Variants in PLCB1 observed in about 807,000 individuals in gnomAD.
PLCB1 encodes the protein 1-phosphatidylinositol 4,5-bisphosphate phosphodiesterase beta-1.
PLCB1 carries 46 observed loss-of-function variants against 161.8 expected under a neutral mutation model. The observed-to-expected ratio is 0.28, with a 90% CI of 0.22 to 0.36. The LOEUF (loss-of-function observed/expected upper bound fraction) is 0.36, where lower values mean the gene tolerates loss of function less well. Among genes scored for constraint, PLCB1 ranks in the 10% least tolerant of loss-of-function variants. PLCB1 has a pLI of 1.00. For synonymous variants in PLCB1, 517 were observed against 503.7 expected, an observed-to-expected ratio of 1.03 and a Z score of -0.35; for missense variants, 1,016 against 1,472.5, an observed-to-expected ratio of 0.69 and a Z score of 5.07.
At chr20:8,334,032 A>G (rs1985467181) in intron 2 of PLCB1, among the ~76,000 whole-genome samples, 1 of 152,190 alleles carries the variant, frequency 6.6e-6, no homozygotes, top group South Asian at 2.1e-4. Flanking sequence ...CAACATAAAG[A>G]AACCCCATCT....
chr20:8,407,945 A>G (rs1267644070), intron 3 of PLCB1, among the ~76,000 whole-genome samples: 1 of 152,172 alleles, frequency 6.6e-6, no homozygotes, highest in Non-Finnish European at 1.5e-5. Context: ...AAAAACAAGG[A>G]AAGTCTGAGA....
chr20:8,192,344 G>A (rs931234103), intron 2 of PLCB1, among the ~76,000 whole-genome samples: 3 of 151,792 alleles, frequency 2.0e-5, no homozygotes, highest in African/African-American at 4.8e-5. Context: ...TAAAAAAATC[G>A]TATTCACTAG....
At chr20:8,649,507 A>G in intron 7 of PLCB1, 58 bp downstream of exon 7, 2 of 1,196,718 alleles carry the variant, frequency 1.7e-6, no homozygotes, top group Non-Finnish European at 2.5e-6. Context: ...ACTCATGTTG[A>G]AACTTAATCC....
At chr20:8,575,371 C>T (rs1986643435) in intron 3 of PLCB1, among the ~76,000 whole-genome samples, 2 of 152,182 alleles carry the variant, frequency 1.3e-5, no homozygotes, top group African/African-American at 4.8e-5. Flanking sequence ...AGGAGTTTTC[C>T]CTTCACCGTG....
chr20:8,828,582 C>T (rs563536278), intron 31 of PLCB1, among the ~76,000 whole-genome samples: 29 of 152,130 alleles, frequency 1.9e-4, no homozygotes, highest in Non-Finnish European at 3.7e-4. Context: ...TAAATACATG[C>T]AAGAACTTCA....
At chr20:8,266,545 G>A (rs1170013280) in intron 2 of PLCB1, among the ~76,000 whole-genome samples, 1 of 152,204 alleles carries the variant, frequency 6.6e-6, no homozygotes, top group Non-Finnish European at 1.5e-5. Context: ...GCGTAGGAGG[G>A]AGCTACAAAG....
Position 8,644,006 on chromosome 20 carries a change from G to A in PLCB1, c.385-2096G>A, listed in dbSNP as rs557647924. Among the ~76,000 whole-genome samples the A allele has an allele frequency of 7.9e-3, 1,122 of 141,598 alleles. 6 individuals carry two copies. Among genetic ancestry groups the A allele is most frequent in the African/African-American group, 0.025 (964 of 38,050 alleles). 92.9% of individuals were successfully genotyped at this position (141,598 alleles called of 152,430 possible). On this transcript the variant is annotated intron_variant, in intron 4 of 31. Transcript: ENST00000338037. The stretch of plus-strand genomic sequence containing the variant: ...GAGACGGGGTTTCGCTGTGTTGGCC[G>A]GGCTGGTCTCCAGCTCCTAGCCGCG...
chr20:8,542,394 G>A (rs1265565065), intron 3 of PLCB1, among the ~76,000 whole-genome samples: 2 of 152,204 alleles, frequency 1.3e-5, no homozygotes, highest in Non-Finnish European at 2.9e-5. Flanking sequence ...CAATAAGTTT[G>A]TTGCCCCTAC....
intron 31 of PLCB1, among the ~76,000 whole-genome samples, chr20:8,840,065 A>T (rs996725568): frequency 2.6e-5 from 4 of 151,842 alleles, no homozygotes; most frequent in African/African-American, 9.7e-5. Context: ...GGTGGACTCT[A>T]ACCTAATCAG....
intron 2 of PLCB1, among the ~76,000 whole-genome samples, chr20:8,347,020 A>G (rs1426653280): frequency 6.6e-6 from 1 of 152,220 alleles, no homozygotes; most frequent in African/African-American, 2.4e-5. Flanking sequence ...ATGACTGCAA[A>G]CAAAGCCAAG....
Position 8,413,030 on chromosome 20 carries a change from G to C in PLCB1, c.246+41580G>C, listed in dbSNP as rs559531897. ...GAATTGGTTTAACTGGGGAATTCTA[G>C]CTCCAAAATTTGTTTTATTTGCTAA... On this transcript the variant is annotated intron_variant, in intron 3 of 31. Coordinates refer to ENST00000338037, the MANE Select transcript of PLCB1 (RefSeq NM_015192.4). 6.6e-5 allele frequency among the ~76,000 whole-genome samples: 10 copies of C among 150,646 alleles called. No individual in the cohort carries two copies. The East Asian group carries it at 1.9e-3, about 29-fold the overall frequency.
chr20:8,555,808 A>AATTTCCATG (rs1400044626), intron 3 of PLCB1, among the ~76,000 whole-genome samples: 1 of 152,092 alleles, frequency 6.6e-6, no homozygotes, highest in Non-Finnish European at 1.5e-5. Context: ...AATAGACTAT[A>AATTTCCATG]ATTTCCATGT....
intron 2 of PLCB1, among the ~76,000 whole-genome samples, chr20:8,301,670 C>T (rs1407783254): frequency 6.6e-6 from 1 of 152,196 alleles, no homozygotes; most frequent in Non-Finnish European, 1.5e-5. Flanking sequence ...TACCCTCCCC[C>T]ACCTTTCCTG....
intron 2 of PLCB1, among the ~76,000 whole-genome samples, chr20:8,283,625 G>A (rs561014971): frequency 6.6e-6 from 1 of 151,392 alleles, no homozygotes; most frequent in South Asian, 2.1e-4. Flanking sequence ...GTAACTTATA[G>A]GTCAAAATAC....
At chr20:8,352,599 T>C (rs1457528699) in intron 2 of PLCB1, among the ~76,000 whole-genome samples, 3 of 152,052 alleles carry the variant, frequency 2.0e-5, no homozygotes, top group African/African-American at 7.2e-5. Flanking sequence ...ACAAATAATA[T>C]CTATATTATA....
chr20:8,759,806 A>G (rs1933234731), intron 24 of PLCB1, among the ~76,000 whole-genome samples: 2 of 152,032 alleles, frequency 1.3e-5, no homozygotes, highest in Non-Finnish European at 2.9e-5. Context: ...ATTTAGCCAG[A>G]AGATGGCGAT....
At chr20:8,385,733 C>T (rs575082176) in intron 3 of PLCB1, among the ~76,000 whole-genome samples, 11 of 152,250 alleles carry the variant, frequency 7.2e-5, no homozygotes, top group Non-Finnish European at 1.3e-4. Flanking sequence ...CACGCTCACT[C>T]GCTGCCTCCC....
chr20:8,507,923 A>C (rs1201608064), intron 3 of PLCB1, among the ~76,000 whole-genome samples: 1 of 152,148 alleles, frequency 6.6e-6, no homozygotes, highest in African/African-American at 2.4e-5. Context: ...TTTGCAATGC[A>C]TTATTGTTAG....
chr20:8,167,020 G>T (rs1440905975), intron 2 of PLCB1, among the ~76,000 whole-genome samples: 3 of 152,284 alleles, frequency 2.0e-5, no homozygotes, highest in South Asian at 2.1e-4. Context: ...CCGTGTTTAA[G>T]ACCTGGCTCT....
Sources: allele counts gnomAD v4.1 joint callset (sites outside exome capture counted in the v4.1 genomes callset), GRCh38; gene constraint gnomAD v4.1.1; transcripts MANE v1.5; gene names NCBI Gene and HGNC (gene_info 2026-07-23, HGNC 2026-07-21).